TK2: variants seen among roughly 807,000 people sequenced by gnomAD.
The protein encoded by TK2 is thymidine kinase 2, mitochondrial.
A neutral mutation model predicts 41.9 loss-of-function variants in TK2; 35 were observed. That is an observed-to-expected ratio of 0.84 (90% CI 0.64 to 1.11). The LOEUF (loss-of-function observed/expected upper bound fraction) is 1.11, where lower values mean the gene tolerates loss of function less well. Ranked by LOEUF, TK2 falls within the 50% of genes least tolerant of loss-of-function variation. The probability of loss-of-function intolerance (pLI) is 0.00; values close to 1 mark genes in which losing one functional copy is unlikely to be tolerated. For synonymous variants in TK2, 128 were observed against 129.1 expected (o/e 0.99, Z 0.06); for missense variants, 320 against 351.1 (o/e 0.91, Z 0.71).
chr16:66,536,844 T>C, intron 4 of TK2, 120 bp downstream of exon 4: 1 of 1,235,212 alleles, frequency 8.1e-7, no homozygotes, highest in Non-Finnish European at 1.2e-6. Flanking sequence ...CTCCCTGGTC[T>C]TCTCCAACTC....
intron 6 of TK2, among the ~76,000 whole-genome samples, chr16:66,519,689 C>T (rs1742728033): frequency 6.6e-6 from 1 of 152,186 alleles, no homozygotes; most frequent in African/African-American, 2.4e-5. Context: ...ACAACCCTCA[C>T]AGGCCTAGCA....
At chr16:66,536,667 A>T (rs146506696) in intron 4 of TK2, among the ~76,000 whole-genome samples, 1 of 152,106 alleles carries the variant, frequency 6.6e-6, no homozygotes, top group East Asian at 1.9e-4. Flanking sequence ...AGGGGAGGGG[A>T]AGGCTGGAAT....
intron 6 of TK2, among the ~76,000 whole-genome samples, chr16:66,519,379 A>G (rs1964713064): frequency 6.6e-6 from 1 of 152,106 alleles, no homozygotes; most frequent in Non-Finnish European, 1.5e-5. Context: ...GGGTTTCACT[A>G]TGTTGGCCAG....
At position 66,510,206 on chromosome 16, in the gene TK2, T is replaced by C. The variant is rs1415544244; in HGVS notation, c.*1762A>G. 1 of 123,306 alleles carries C rather than the reference T, an allele frequency of 8.1e-6. No individual in the cohort carries two copies. The highest frequency in any genetic ancestry group is 1.7e-5 in the Non-Finnish European group (1 of 59,050). 7.6% of individuals were successfully genotyped at this position (123,306 alleles called of 1,614,324 possible). On this transcript the variant is annotated 3_prime_UTR_variant, in exon 10 of 10. Coordinates refer to ENST00000544898, the MANE Select transcript of TK2 (RefSeq NM_004614.5). ...CTCAGGACCTCTTGAGATTGTGCCT[T>C]AGGCAAAAAAAAAAAAAAAAAAAGA... is the stretch of plus-strand genomic sequence containing the variant.
At chr16:66,532,427 A>C (rs1211645034) in intron 4 of TK2, among the ~76,000 whole-genome samples, 2 of 152,084 alleles carry the variant, frequency 1.3e-5, no homozygotes, top group Non-Finnish European at 2.9e-5. Context: ...AACATGACGA[A>C]ATCCTGTCTC....
At chr16:66,541,788 T>C (rs1349206290) in intron 3 of TK2, 91 bp downstream of exon 3, 1 of 1,349,912 alleles carries the variant, frequency 7.4e-7, no homozygotes, top group Non-Finnish European at 1.1e-6. Context: ...GCTCAAATTA[T>C]AGTCCTATTG....
chr16:66,528,521 T>C (rs1298502912), intron 6 of TK2, among the ~76,000 whole-genome samples: 1 of 152,242 alleles, frequency 6.6e-6, no homozygotes, highest in Non-Finnish European at 1.5e-5. Context: ...CCTGGGCTCA[T>C]GTGACCATGT....
rs1444261001 is a variant in TK2, at chr16:66,514,238, G to A, written c.619-427C>T. Among the ~76,000 whole-genome samples, 1 of 152,106 alleles carries A rather than the reference G, an allele frequency of 6.6e-6. No homozygotes were observed. Among genetic ancestry groups the A allele is most frequent in the Non-Finnish European group, 1.5e-5 (1 of 68,030 alleles). On this transcript the variant is annotated intron_variant, in intron 8 of 9. Transcript: ENST00000544898. This position sits in a 1 kb window ranked among gnomAD's most constrained non-coding sequence, Gnocchi z 4.2. ...CTCCCTGCCTGATTCTCCTGCCTCA[G>A]CCTGCCAAGTGCCTGGGATTGCAGG... is the stretch of plus-strand genomic sequence containing the variant.
chr16:66,532,715 AGAAATT>A (rs1965154308), intron 4 of TK2, among the ~76,000 whole-genome samples: 1 of 152,164 alleles, frequency 6.6e-6, no homozygotes, highest in Non-Finnish European at 1.5e-5. Flanking sequence ...CACTGATGAA[AGAAATT>A]GAACAGAACA....
chr16:66,524,948 T>C (rs1337486981), intron 6 of TK2: 1 of 152,264 alleles, frequency 6.6e-6, no homozygotes, highest in East Asian at 1.9e-4. Flanking sequence ...ACTTCCTCAT[T>C]TGCTGCTTGC....
chr16:66,522,722 C>T lies in TK2; in HGVS notation c.450-4845G>A, dbSNP rs148755016. The stretch of plus-strand genomic sequence containing the variant: ...TCTATACTAAAAATACAAAATTAGC[C>T]GGGCGTTGTGGCACATGACTAATCC... On this transcript the variant is annotated intron_variant, in intron 6 of 9. Transcript: ENST00000544898. Among the ~76,000 whole-genome samples the T allele has an allele frequency of 3.3e-3, 506 of 152,150 alleles. 3 individuals carry two copies. Among genetic ancestry groups the T allele is most frequent in the African/African-American group, 0.012 (485 of 41,512 alleles).
intron 5 of TK2, among the ~76,000 whole-genome samples, 158 bp from the exon 6 acceptor site, chr16:66,529,225 G>C (rs1050126065): frequency 3.3e-5 from 5 of 152,206 alleles, no homozygotes; most frequent in African/African-American, 1.2e-4. Context: ...TCACTCCCCT[G>C]CCGGGAGGAG....
intron 9 of TK2, among the ~76,000 whole-genome samples, chr16:66,513,486 A>G (rs1020262941): frequency 6.6e-6 from 1 of 152,216 alleles, no homozygotes; most frequent in African/African-American, 2.4e-5. Context: ...ATGCTGGATC[A>G]GTGACAACTG....
chr16:66,524,456 C>A (rs1409045317), intron 6 of TK2, among the ~76,000 whole-genome samples: 1 of 152,146 alleles, frequency 6.6e-6, no homozygotes, highest in African/African-American at 2.4e-5. Context: ...CTGCCTCAGC[C>A]TCCTAAGTAG....
In TK2 at chr16:66,529,086, A is replaced by C. The variant is rs779868649; in HGVS notation, c.376-19T>G. On this transcript the variant is annotated intron_variant, in intron 5 of 9. Transcript: ENST00000544898. ...ATGACACCTAAAGGAAAACAAAAAGAGAATCACTAACTCAGGGGAAAAGGA... is the reference window on the plus strand; with the variant it reads ...ATGACACCTAAAGGAAAACAAAAAGCGAATCACTAACTCAGGGGAAAAGGA... The C allele has an allele frequency of 6.2e-7, 1 of 1,612,602 alleles. No individual in the cohort carries two copies. The highest frequency in any genetic ancestry group is 2.2e-5 in the East Asian group (1 of 44,882).
chr16:66,549,388 G>A, intron 1 of TK2: 2 of 1,122,826 alleles, frequency 1.8e-6, no homozygotes, highest in South Asian at 2.4e-5. Flanking sequence ...TGGGACCCAG[G>A]TGTTCCTCTA....
chr16:66,536,202 CAAAA>C (rs35291905), intron 4 of TK2, among the ~76,000 whole-genome samples: 2 of 83,144 alleles, frequency 2.4e-5, no homozygotes, highest in Non-Finnish European at 5.1e-5. Flanking sequence ...GACTCCATCT[CAAAA>C]AAAAAAAAAA....
rs1275738444 is a variant in TK2 at position 66,510,559 on chromosome 16, A to T, written c.*1409T>A. The stretch of plus-strand genomic sequence containing the variant: ...CTTGGCACCTCTGCAGAGTCGGAGC[A>T]TTGCATGCACAGGTGCCCACACTCA... On this transcript the variant is annotated 3_prime_UTR_variant, in exon 10 of 10. Transcript: ENST00000544898. The T allele has an allele frequency of 6.6e-6, 1 of 152,186 alleles. No individual in the cohort carries two copies. Among genetic ancestry groups the T allele is most frequent in the African/African-American group, 2.4e-5 (1 of 41,456 alleles). The allele number at this position is 152,186 out of a possible 1,614,324, so 9.4% of individuals were successfully genotyped here.
chr16:66,535,347 G>A (rs917989553), intron 4 of TK2, among the ~76,000 whole-genome samples: 7 of 152,150 alleles, frequency 4.6e-5, no homozygotes, highest in East Asian at 1.9e-4. Flanking sequence ...CCCGTGAAAC[G>A]TCACTTATGA....
Sources: allele counts gnomAD v4.1 joint callset (sites outside exome capture counted in the v4.1 genomes callset), GRCh38; gene constraint gnomAD v4.1.1; non-coding constraint Gnocchi (gnomAD v3.1); transcripts MANE v1.5; gene names NCBI Gene and HGNC (gene_info 2026-07-23, HGNC 2026-07-21).